Variants in GOLT1B observed in about 807,000 individuals in gnomAD.
GOLT1B encodes golgi transport 1B.
Under a neutral mutation model 15.4 loss-of-function variants are expected in GOLT1B, and 3 were observed. The ratio of observed to expected loss-of-function variants is 0.19; its 90% CI spans 0.09 to 0.50. The LOEUF (loss-of-function observed/expected upper bound fraction) is 0.50, where lower values mean the gene tolerates loss of function less well. Among genes scored for constraint, GOLT1B ranks in the 20% least tolerant of loss-of-function variants. The pLI is 0.97. For missense variants in GOLT1B, 145 were observed against 160.4 expected, an observed-to-expected ratio of 0.90 and a Z score of 0.52; for synonymous variants, 65 against 56.2, an observed-to-expected ratio of 1.16 and a Z score of -0.70.
chr12:21,509,752 C>T (rs1231018356), intron 3 of GOLT1B, among the ~76,000 whole-genome samples: 4 of 151,810 alleles, frequency 2.6e-5, no homozygotes, highest in Non-Finnish European at 4.4e-5. Flanking sequence ...ATCCTATAAA[C>T]GAGAAAGGGA....
Position 21,517,665 on chromosome 12 carries a change from A to G in GOLT1B, c.*1958A>G, listed in dbSNP as rs1411684548. On this transcript the variant is annotated 3_prime_UTR_variant, in exon 5 of 5. Transcript: ENST00000229314. ...TTTTCAATAATCTTAATTCAAAAGC[A>G]TTATTAGACTTGAAAGGGTTTGATA... 1.3e-5 allele frequency: 2 copies of G among 152,110 alleles called. No individual in the cohort carries two copies. The highest frequency in any genetic ancestry group is 1.3e-4 in the Admixed American group (2 of 15,276). 9.4% of individuals were successfully genotyped at this position (152,110 alleles called of 1,614,324 possible). A position where few individuals can be genotyped will look rare whatever the true frequency, so the allele number is the denominator to read the frequency against.
In GOLT1B at chr12:21,501,867, A is replaced by G. The variant is rs1943628355; in HGVS notation, c.-57A>G. The G allele has an allele frequency of 2.3e-6, 3 of 1,289,512 alleles. No homozygotes were observed. Among genetic ancestry groups the G allele is most frequent in the East Asian group, 2.3e-5 (1 of 42,946 alleles). The allele number at this position is 1,289,512 out of a possible 1,614,324, so 79.9% of individuals were successfully genotyped here. ...TTCCCGGCTTCATTTCTCCCGACTC[A>G]GCTTCCCACCCTGGGCTTTCCGAGG... On this transcript the variant is annotated 5_prime_UTR_variant, in exon 1 of 5. Transcript: ENST00000229314.
intron 1 of GOLT1B, among the ~76,000 whole-genome samples, chr12:21,504,008 G>A (rs1943660218): frequency 6.6e-6 from 1 of 152,126 alleles, no homozygotes; most frequent in African/African-American, 2.4e-5. Context: ...TTGAATTCTT[G>A]CTTGACTTCT....
chr12:21,506,283 A>G (rs552790241), intron 1 of GOLT1B, among the ~76,000 whole-genome samples: 4 of 152,242 alleles, frequency 2.6e-5, no homozygotes, highest in Admixed American at 1.3e-4. Flanking sequence ...TCAAGAAATT[A>G]AAAGTGATGC....
At position 21,515,846 on chromosome 12, in the gene GOLT1B, T is replaced by C. The variant is rs891284857; in HGVS notation, c.*139T>C. ...AGTTTAAAACGTATAGCCTACAAAG[T>C]ACCAGCAGCAAATTAGCAAAGAAGC... is the stretch of plus-strand genomic sequence containing the variant. On this transcript the variant is annotated 3_prime_UTR_variant, in exon 5 of 5. Coordinates refer to ENST00000229314, the MANE Select transcript of GOLT1B (RefSeq NM_016072.5). 6 of 512,670 alleles carry C rather than the reference T, an allele frequency of 1.2e-5. No homozygotes were observed. Among genetic ancestry groups the C allele is most frequent in the Non-Finnish European group, 2.0e-5 (6 of 294,614 alleles). The allele number at this position is 512,670 out of a possible 1,614,324, so 31.8% of individuals were successfully genotyped here. A position where few individuals can be genotyped will look rare whatever the true frequency, so the allele number is the denominator to read the frequency against.
At chr12:21,503,980 A>G (rs1460811104) in intron 1 of GOLT1B, among the ~76,000 whole-genome samples, 2 of 152,206 alleles carry the variant, frequency 1.3e-5, no homozygotes, top group African/African-American at 4.8e-5. Context: ...TGCATTCTCC[A>G]GTACAGTTAA....
At position 21,515,848 on chromosome 12, in the gene GOLT1B, C is replaced by T. The variant is rs1006161633; in HGVS notation, c.*141C>T. ...TTTAAAACGTATAGCCTACAAAGTACCAGCAGCAAATTAGCAAAGAAGCAG... is the reference window on the plus strand; with the variant it reads ...TTTAAAACGTATAGCCTACAAAGTATCAGCAGCAAATTAGCAAAGAAGCAG... On this transcript the variant is annotated 3_prime_UTR_variant, in exon 5 of 5. Transcript: ENST00000229314. The T allele has an allele frequency of 3.0e-5, 15 of 506,268 alleles. No homozygotes were observed. Among genetic ancestry groups the T allele is most frequent in the Non-Finnish European group, 4.8e-5 (14 of 291,026 alleles). 31.4% of individuals were successfully genotyped at this position (506,268 alleles called of 1,614,324 possible). A position where few individuals can be genotyped will look rare whatever the true frequency, so the allele number is the denominator to read the frequency against.
chr12:21,508,850 T>C (rs1943698056), intron 3 of GOLT1B, among the ~76,000 whole-genome samples: 1 of 151,520 alleles, frequency 6.6e-6, no homozygotes, highest in Non-Finnish European at 1.5e-5. Context: ...TAAATAGTGG[T>C]AGGTAGGTCG....
rs1404595263 is a variant in GOLT1B at position 21,518,406 on chromosome 12, A to G, written c.*2699A>G. On this transcript the variant is annotated 3_prime_UTR_variant, in exon 5 of 5. Transcript: ENST00000229314. ...CCTTGGGCAATATGCTATTTTTTAA[A>G]AATCAGACTCCCAGTTTGTATATTA... 6.6e-6 allele frequency: 1 copy of G among 152,138 alleles called. No homozygotes were observed. Among genetic ancestry groups the G allele is most frequent in the African/African-American group, 2.4e-5 (1 of 41,432 alleles). 9.4% of individuals were successfully genotyped at this position (152,138 alleles called of 1,614,324 possible). A position where few individuals can be genotyped will look rare whatever the true frequency, so the allele number is the denominator to read the frequency against.
At chr12:21,515,154 T>G (rs955790064) in intron 4 of GOLT1B, 8 of 691,694 alleles carry the variant, frequency 1.2e-5, no homozygotes, top group African/African-American at 3.5e-5. Flanking sequence ...CAATCCAAAG[T>G]CCAGAATACA....
At chr12:21,502,054 G>A in intron 1 of GOLT1B, 106 bp downstream of exon 1, 2 of 827,742 alleles carry the variant, frequency 2.4e-6, no homozygotes, top group Non-Finnish European at 2.1e-6. Context: ...GGTTGGGGGC[G>A]GTGGCCTGCG....
At chr12:21,509,218 A>G (rs929642096) in intron 3 of GOLT1B, among the ~76,000 whole-genome samples, 13 of 151,820 alleles carry the variant, frequency 8.6e-5, no homozygotes, top group African/African-American at 2.9e-4. Context: ...GGCCAGCATG[A>G]TGAAACCCCG....
chr12:21,508,785 G>A (rs547777319), intron 3 of GOLT1B, among the ~76,000 whole-genome samples: 2 of 152,188 alleles, frequency 1.3e-5, no homozygotes, highest in East Asian at 1.9e-4. Context: ...GCACAATAAA[G>A]TTTATTTTAT....
chr12:21,506,859 C>T (rs1943682230), intron 1 of GOLT1B, 26 bp from the exon 2 acceptor site: 1 of 974,654 alleles, frequency 1.0e-6, no homozygotes, highest in African/African-American at 1.6e-5. Context: ...TTTTCTCTAC[C>T]CTTAACCATA....
chr12:21,515,286 T>G, intron 4 of GOLT1B: 1 of 1,332,874 alleles, frequency 7.5e-7, no homozygotes, highest in Non-Finnish European at 1.0e-6. Context: ...TTGAAATATC[T>G]TATTGGGTTC....
rs1422695136 is a variant in GOLT1B at position 21,517,712 on chromosome 12, A to G, written c.*2005A>G. On this transcript the variant is annotated 3_prime_UTR_variant, in exon 5 of 5. Coordinates refer to ENST00000229314, the MANE Select transcript of GOLT1B (RefSeq NM_016072.5). ...GATAATCTCCCAGTCCTTAGTAAAG[A>G]TTGAGAGAGGCTGGAGCAGTTTTCA... 1 of 152,236 alleles carries G rather than the reference A, an allele frequency of 6.6e-6. No homozygotes were observed. The highest frequency in any genetic ancestry group is 1.5e-5 in the Non-Finnish European group (1 of 67,936). 9.4% of individuals were successfully genotyped at this position (152,236 alleles called of 1,614,324 possible).
At chr12:21,502,672 T>C (rs2136799385) in intron 1 of GOLT1B, among the ~76,000 whole-genome samples, 1 of 152,318 alleles carries the variant, frequency 6.6e-6, no homozygotes, top group East Asian at 1.9e-4. Context: ...GCCTATTTCA[T>C]CTCTAAAGCT....
Position 21,506,858 on chromosome 12 carries a change from C to T in GOLT1B, c.26-27C>T, listed in dbSNP as rs546072725. The stretch of plus-strand genomic sequence containing the variant: ...TTAATGTGACTTTAATTTTTCTCTA[C>T]CCTTAACCATATACCTTATATTGCA... On this transcript the variant is annotated intron_variant, in intron 1 of 4. Coordinates refer to ENST00000229314, the MANE Select transcript of GOLT1B (RefSeq NM_016072.5). 15 of 964,586 alleles carry T rather than the reference C, an allele frequency of 1.6e-5. No individual in the cohort carries two copies. The Admixed American group carries it at 2.3e-4, about 15-fold the overall frequency. The allele number at this position is 964,586 out of a possible 1,614,324, so 59.8% of individuals were successfully genotyped here.
At position 21,502,031 on chromosome 12, in the gene GOLT1B, G is replaced by A. The variant is rs1943632276; in HGVS notation, c.25+83G>A. The A allele has an allele frequency of 4.1e-6, 4 of 972,544 alleles. No homozygotes were observed. In the South Asian group the frequency reaches 5.3e-5, roughly 13 times the overall value. The allele number at this position is 972,544 out of a possible 1,614,324, so 60.2% of individuals were successfully genotyped here. ...GTCTCGCCCCTCCGCCGGGGTCAAT[G>A]AATGAAGCTCTGGGTTGGGGGCGGT... On this transcript the variant is annotated intron_variant, in intron 1 of 4. Transcript: ENST00000229314.
Sources: gnomAD v4.1 joint callset for allele counts (sites outside exome capture counted in the v4.1 genomes callset) on GRCh38, gnomAD v4.1.1 for gene constraint, MANE v1.5 for transcripts, NCBI Gene and HGNC (gene_info 2026-07-23, HGNC 2026-07-21) for gene names.